OPCML: variants seen among roughly 807,000 people sequenced by gnomAD.
The protein encoded by OPCML is opioid-binding protein/cell adhesion molecule.
OPCML carries 13 observed loss-of-function variants against 37.8 expected under a neutral mutation model. That is an observed-to-expected ratio of 0.34 (90% CI 0.22 to 0.55). The LOEUF (loss-of-function observed/expected upper bound fraction) is 0.55, where lower values mean the gene tolerates loss of function less well. OPCML is among the 20% of genes least tolerant of loss of function. The probability of loss-of-function intolerance (pLI) is 0.91; values close to 1 mark genes in which losing one functional copy is unlikely to be tolerated. For missense variants in OPCML, 341 were observed against 435.6 expected (o/e 0.78, Z 1.93); for synonymous variants, 176 against 168.8 (o/e 1.04, Z -0.33).
At chr11:132,594,972 C>T (rs1397592203) in intron 3 of OPCML, among the ~76,000 whole-genome samples, 4 of 152,192 alleles carry the variant, frequency 2.6e-5, no homozygotes, top group Non-Finnish European at 2.9e-5. Flanking sequence ...GTGTGTAATA[C>T]AAAATTAAAT....
At chr11:132,783,461 A>G (rs1001447271) in intron 2 of OPCML, among the ~76,000 whole-genome samples, 1 of 152,172 alleles carries the variant, frequency 6.6e-6, no homozygotes, top group East Asian at 1.9e-4. Flanking sequence ...ATGTTCAAAC[A>G]GTTAATTCTT....
intron 1 of OPCML, among the ~76,000 whole-genome samples, chr11:133,037,778 C>T (rs1947808618): frequency 1.3e-5 from 2 of 152,152 alleles, no homozygotes; most frequent in East Asian, 1.9e-4. Context: ...ATCATCTGTG[C>T]CATGCTGGAT....
intron 1 of OPCML, among the ~76,000 whole-genome samples, chr11:132,994,810 A>G (rs1343221770): frequency 1.3e-5 from 2 of 152,208 alleles, no homozygotes; most frequent in Non-Finnish European, 2.9e-5. Flanking sequence ...ATATAATCAA[A>G]TGAATGGAAG....
At chr11:132,667,392 C>A (rs1319941376) in intron 2 of OPCML, among the ~76,000 whole-genome samples, 1 of 152,158 alleles carries the variant, frequency 6.6e-6, no homozygotes, top group Admixed American at 6.5e-5. Flanking sequence ...ACTTAATGAA[C>A]TTTGAGTAGC....
At chr11:132,900,234 T>C (rs1944002590) in intron 2 of OPCML, among the ~76,000 whole-genome samples, 1 of 152,188 alleles carries the variant, frequency 6.6e-6, no homozygotes, top group South Asian at 2.1e-4. Context: ...GTACTTTCTA[T>C]TTCGATGAAT....
intron 4 of OPCML, among the ~76,000 whole-genome samples, chr11:132,466,441 G>A (rs1310869360): frequency 4.0e-5 from 6 of 149,912 alleles, no homozygotes; most frequent in Non-Finnish European, 7.4e-5. Flanking sequence ...CCGAGATCAC[G>A]CCACTGCACT....
chr11:133,068,761 C>G (rs1541881), intron 1 of OPCML, among the ~76,000 whole-genome samples: 85,778 of 152,034 alleles, frequency 0.56, 24,823 homozygotes, highest in Middle Eastern at 0.66. Flanking sequence ...AGCACATCTG[C>G]TTGACATCTT....
chr11:133,441,124 T>C (rs1408890011), intron 1 of OPCML, among the ~76,000 whole-genome samples: 1 of 151,942 alleles, frequency 6.6e-6, no homozygotes, highest in Non-Finnish European at 1.5e-5. Flanking sequence ...TTATCTTATA[T>C]GTTAGCACAA....
rs934398737 is a variant in OPCML, at chr11:133,367,893, G to T, written c.61+164371C>A. On this transcript the variant is annotated intron_variant, in intron 1 of 7. Transcript: ENST00000524381. ...GCATCTGAACACAAAGCAGAATGTT[G>T]GGTGCAATGTGGGCCTGTTTCCTGA... Among the ~76,000 whole-genome samples the T allele has an allele frequency of 8.5e-5, 13 of 152,162 alleles. 1 individual carries two copies. The highest frequency in any genetic ancestry group is 7.9e-4 in the Admixed American group (12 of 15,278).
intron 1 of OPCML, among the ~76,000 whole-genome samples, chr11:133,150,513 C>T (rs1414498270): frequency 6.6e-6 from 1 of 152,152 alleles, no homozygotes; most frequent in South Asian, 2.1e-4. Context: ...CTGTTGTTTT[C>T]GGAATCCATG....
At chr11:133,230,601 C>T (rs1220574738) in intron 1 of OPCML, among the ~76,000 whole-genome samples, 3 of 152,170 alleles carry the variant, frequency 2.0e-5, no homozygotes, top group African/African-American at 4.8e-5. Context: ...TCTGGCACTT[C>T]GCATTCCTAG....
intron 1 of OPCML, among the ~76,000 whole-genome samples, chr11:133,417,588 C>T (rs541775737): frequency 2.0e-5 from 3 of 151,912 alleles, no homozygotes; most frequent in African/African-American, 7.3e-5. Flanking sequence ...CACCCATTAA[C>T]TGGTCATTTA....
At chr11:132,772,331 A>G (rs1008977084) in intron 2 of OPCML, 1 of 152,184 alleles carries the variant, frequency 6.6e-6, no homozygotes, top group African/African-American at 2.4e-5. Flanking sequence ...TCACACACCA[A>G]AATGGTCCCG....
At position 133,141,036 on chromosome 11, in the gene OPCML, C is replaced by G. The variant is rs142339679; in HGVS notation, c.62-198026G>C. On this transcript the variant is annotated intron_variant, in intron 1 of 7. Transcript: ENST00000524381. ...ACGACGACGACGACGACGACGACGA[C>G]GACGACGACGACGAAGAAGAAGAAG... Among the ~76,000 whole-genome samples the G allele has an allele frequency of 4.6e-4, 3 of 6,582 alleles. 1 individual carries two copies. Among genetic ancestry groups the G allele is most frequent in the African/African-American group, 8.6e-4 (3 of 3,498 alleles). 4.3% of individuals were successfully genotyped at this position (6,582 alleles called of 152,430 possible). A position where few individuals can be genotyped will look rare whatever the true frequency, so the allele number is the denominator to read the frequency against.
intron 2 of OPCML, among the ~76,000 whole-genome samples, chr11:132,748,866 G>T (rs534816477): frequency 6.6e-6 from 1 of 152,190 alleles, no homozygotes; most frequent in Admixed American, 6.5e-5. Context: ...TCCACAGGGC[G>T]GCTGAGGTGA....
chr11:133,129,190 G>C (rs760083545), intron 1 of OPCML, among the ~76,000 whole-genome samples: 11 of 152,086 alleles, frequency 7.2e-5, no homozygotes, highest in Non-Finnish European at 1.5e-4. Flanking sequence ...AGAGAGGAGA[G>C]AGTTAGCTAC....
intron 4 of OPCML, among the ~76,000 whole-genome samples, chr11:132,509,983 C>T (rs1269436329): frequency 6.6e-6 from 1 of 152,178 alleles, no homozygotes; most frequent in African/African-American, 2.4e-5. Context: ...TCAATGCCTG[C>T]TCGTGAAAGC....
At chr11:133,074,165 T>C (rs1265095275) in intron 1 of OPCML, among the ~76,000 whole-genome samples, 1 of 152,240 alleles carries the variant, frequency 6.6e-6, no homozygotes. Context: ...TAAATCTACT[T>C]GAAACATCTA....
At chr11:132,551,165 C>A (rs889398033) in intron 3 of OPCML, among the ~76,000 whole-genome samples, 15 of 152,284 alleles carry the variant, frequency 9.9e-5, no homozygotes, top group African/African-American at 3.4e-4. Context: ...CCAAGGGCCA[C>A]CCCAGCAACA....
Sources: allele counts gnomAD v4.1 joint callset (sites outside exome capture counted in the v4.1 genomes callset), GRCh38; gene constraint gnomAD v4.1.1; transcripts MANE v1.5; gene names NCBI Gene and HGNC (gene_info 2026-07-23, HGNC 2026-07-21).